The following ADGRL2 variants were observed in gnomAD, a reference collection of about 807,000 sequenced individuals.
ADGRL2 encodes the protein adhesion G protein-coupled receptor L2.
In ADGRL2, 44 loss-of-function variants were observed where a neutral mutation model predicts 157.4. The observed-to-expected ratio is 0.28, with a 90% CI of 0.22 to 0.36. The LOEUF is 0.36. Among genes scored for constraint, ADGRL2 ranks in the 10% least tolerant of loss-of-function variants. ADGRL2 has a pLI of 1.00. For missense variants in ADGRL2, 1,510 were observed against 1,768.9 expected (o/e 0.85, Z 2.63); for synonymous variants, 585 against 624.7 (o/e 0.94, Z 0.95).
In ADGRL2 at chr1:81,357,208, C is replaced by A. The variant is rs1007885561; in HGVS notation, c.-302+50699C>A. ...AGGAAGAACACTGTGACTCTTTGGA[C>A]TTTCTCAGGCCTTGCTCACTCTTTG... On this transcript the variant is annotated intron_variant, in intron 1 of 24. Transcript: ENST00000370721. 7.2e-5 allele frequency among the ~76,000 whole-genome samples: 11 copies of A among 152,076 alleles called. No homozygotes were observed. In the South Asian group the frequency reaches 1.9e-3, roughly 26 times the overall value.
chr1:81,912,072 T>A (rs2148428225), intron 3 of ADGRL2, among the ~76,000 whole-genome samples: 1 of 150,134 alleles, frequency 6.7e-6, no homozygotes, highest in Middle Eastern at 3.5e-3. Context: ...TATTTTTTTT[T>A]ATTTTTTATT....
chr1:81,803,379 G>T (rs2088604682), intron 1 of ADGRL2, among the ~76,000 whole-genome samples: 1 of 152,076 alleles, frequency 6.6e-6, no homozygotes, highest in Non-Finnish European at 1.5e-5. Context: ...GGGGTGAGGG[G>T]AGAATACTGG....
chr1:81,369,810 C>T (rs72713441), intron 1 of ADGRL2, among the ~76,000 whole-genome samples: 3,005 of 152,270 alleles, frequency 0.02, 46 homozygotes, highest in Non-Finnish European at 0.03. Context: ...CACTTGTAAT[C>T]GTACAGGAAG....
intron 2 of ADGRL2, 56 bp from the exon 3 acceptor site, chr1:81,906,961 A>T: frequency 7.2e-7 from 1 of 1,382,586 alleles, no homozygotes; most frequent in African/African-American, 1.4e-5. Context: ...GCTTTACTAA[A>T]ATAATTTATC....
chr1:81,417,863 GCTGATATTAAATTAAC>G (rs1467230052), intron 1 of ADGRL2, among the ~76,000 whole-genome samples: 1 of 152,120 alleles, frequency 6.6e-6, no homozygotes, highest in Non-Finnish European at 1.5e-5. Context: ...GGAGATTTCA[GCTGATATTAAATTAAC>G]CCCAACCACC....
At chr1:81,320,986 G>A (rs1660463199) in intron 1 of ADGRL2, among the ~76,000 whole-genome samples, 1 of 152,206 alleles carries the variant, frequency 6.6e-6, no homozygotes, top group Non-Finnish European at 1.5e-5. Flanking sequence ...ATATAAGGCT[G>A]TTTTGAATAC....
At chr1:81,702,156 A>G (rs1229252319) in intron 1 of ADGRL2, among the ~76,000 whole-genome samples, 2 of 152,218 alleles carry the variant, frequency 1.3e-5, no homozygotes, top group African/African-American at 2.4e-5. Context: ...CCTTTCCCTG[A>G]AAGCCTATAT....
intron 1 of ADGRL2, among the ~76,000 whole-genome samples, chr1:81,423,296 C>G (rs2077157636): frequency 6.6e-6 from 1 of 152,166 alleles, no homozygotes; most frequent in Non-Finnish European, 1.5e-5. Context: ...ATATTCAGGT[C>G]AAACTAAAGA....
intron 1 of ADGRL2, among the ~76,000 whole-genome samples, chr1:81,334,550 T>C (rs1439414717): frequency 2.0e-5 from 3 of 152,320 alleles, no homozygotes; most frequent in Admixed American, 1.3e-4. Context: ...TTTCTAGGCA[T>C]TAAAATTGAC....
At chr1:81,875,033 T>C (rs1264289311) in intron 2 of ADGRL2, among the ~76,000 whole-genome samples, 4 of 152,144 alleles carry the variant, frequency 2.6e-5, no homozygotes, top group African/African-American at 9.7e-5. Flanking sequence ...AATTTGCTTG[T>C]GCTGCCAGAG....
chr1:81,835,471 C>A (rs184131531), intron 1 of ADGRL2, among the ~76,000 whole-genome samples: 6 of 152,220 alleles, frequency 3.9e-5, no homozygotes, highest in Admixed American at 6.5e-5. Context: ...TTGTAAACTG[C>A]AGGTTCACTT....
Position 81,969,281 on chromosome 1 carries a change from T to C in ADGRL2, c.2627T>C (p.Phe876Ser), listed in dbSNP as rs1188242356. ...LAICIFTFCFFRGLQSDRNTI... is the reference protein window; with the variant it reads ...LAICIFTFCFSRGLQSDRNTI... ...ATCTGCATCTTCACCTTCTGCTTTT[T>C]CCGTGGCCTACAGAGTGACCGAAAT... is the stretch of plus-strand genomic sequence containing the variant. Residue 876 changes from phenylalanine (F) to serine (S), a missense_variant, in exon 15 of 24, where the codon TTC becomes TCC. By Grantham distance (155) the Phe-to-Ser change is radical (BLOSUM62 -2). Coordinates refer to ENST00000686636, the MANE Select transcript of ADGRL2 (RefSeq NM_001366006.2). The C allele has an allele frequency of 1.2e-6, 2 of 1,614,018 alleles. No homozygotes were observed. The highest frequency in any genetic ancestry group is 2.2e-5 in the South Asian group (2 of 91,084).
chr1:81,770,631 G>A (rs868389188), intron 2 of ADGRL2, among the ~76,000 whole-genome samples: 6 of 151,736 alleles, frequency 4.0e-5, no homozygotes, highest in South Asian at 4.2e-4. Flanking sequence ...GCACCATCAC[G>A]CCCAGCTAAT....
chr1:81,814,518 A>T (rs955638299), intron 1 of ADGRL2, among the ~76,000 whole-genome samples: 1 of 151,540 alleles, frequency 6.6e-6, no homozygotes, highest in Non-Finnish European at 1.5e-5. Flanking sequence ...TAGAAAATTT[A>T]TATATGTGTA....
At chr1:81,841,421 A>G (rs2092574079) in intron 2 of ADGRL2, among the ~76,000 whole-genome samples, 1 of 152,142 alleles carries the variant, frequency 6.6e-6, no homozygotes, top group Non-Finnish European at 1.5e-5. Context: ...GTATTTGGGT[A>G]GAAGAAAAAA....
intron 1 of ADGRL2, among the ~76,000 whole-genome samples, chr1:81,749,153 C>G (rs1444168368): frequency 6.6e-6 from 1 of 151,954 alleles, no homozygotes; most frequent in Non-Finnish European, 1.5e-5. Flanking sequence ...AAACTGTTAC[C>G]TCAACTCTTT....
chr1:81,971,667 A>G (rs1658784824), intron 16 of ADGRL2, among the ~76,000 whole-genome samples, 185 bp from the exon 17 acceptor site: 1 of 128,292 alleles, frequency 7.8e-6, no homozygotes, highest in Non-Finnish European at 1.6e-5. Context: ...TGAAGTAAAT[A>G]AATTATTTTC....
intron 1 of ADGRL2, among the ~76,000 whole-genome samples, chr1:81,376,523 CCTT>C (rs1377627038): frequency 4.6e-5 from 7 of 152,022 alleles, no homozygotes; most frequent in Admixed American, 2.6e-4. Flanking sequence ...TTCCTTCTCT[CCTT>C]CTTTTCTTCC....
chr1:81,701,179 C>A (rs950913336), intron 1 of ADGRL2, among the ~76,000 whole-genome samples: 3 of 152,048 alleles, frequency 2.0e-5, no homozygotes, highest in Non-Finnish European at 4.4e-5. Flanking sequence ...CGGTGGCATA[C>A]CTTGTTTTCT....
Sources: allele counts gnomAD v4.1 joint callset (sites outside exome capture counted in the v4.1 genomes callset), GRCh38; gene constraint gnomAD v4.1.1; transcripts MANE v1.5; gene names NCBI Gene and HGNC (gene_info 2026-07-23, HGNC 2026-07-21).